The following UNC5D variants were observed in gnomAD, a reference collection of about 807,000 sequenced individuals.
UNC5D encodes unc-5 netrin receptor D.
UNC5D carries 39 observed loss-of-function variants against 105.4 expected under a neutral mutation model. The observed-to-expected ratio is 0.37, with a 90% confidence interval of 0.29 to 0.48. The LOEUF (loss-of-function observed/expected upper bound fraction) is 0.48, where lower values mean the gene tolerates loss of function less well. Ranked by LOEUF, UNC5D falls within the 20% of genes least tolerant of loss-of-function variation. The pLI is 0.98. For missense variants in UNC5D, 991 were observed against 1,202.4 expected (o/e 0.82, Z 2.60); for synonymous variants, 452 against 450.4 (o/e 1.00, Z -0.04).
intron 1 of UNC5D, among the ~76,000 whole-genome samples, chr8:35,323,280 A>AT (rs752363225): frequency 5.4e-5 from 8 of 148,746 alleles, no homozygotes; most frequent in Non-Finnish European, 1.0e-4. Context: ...AGTAATCAGG[A>AT]TTAAGCTTTT....
At chr8:35,628,611 C>T (rs548829311) in intron 4 of UNC5D, among the ~76,000 whole-genome samples, 16 of 152,114 alleles carry the variant, frequency 1.1e-4, no homozygotes, top group Non-Finnish European at 2.4e-4. Flanking sequence ...TAAAACTTTG[C>T]AACTAGTCTG....
intron 11 of UNC5D, among the ~76,000 whole-genome samples, chr8:35,748,146 C>G (rs1830093582): frequency 6.6e-6 from 1 of 152,112 alleles, no homozygotes; most frequent in South Asian, 2.1e-4. Context: ...AATGAGATGA[C>G]CAGACCAGTC....
chr8:35,659,733 G>T (rs1563640814), intron 4 of UNC5D, among the ~76,000 whole-genome samples: 1 of 152,210 alleles, frequency 6.6e-6, no homozygotes, highest in Non-Finnish European at 1.5e-5. Context: ...CATGAGAATG[G>T]CTTCTAATTG....
At chr8:35,486,971 A>G (rs953027032) in intron 1 of UNC5D, among the ~76,000 whole-genome samples, 4 of 152,164 alleles carry the variant, frequency 2.6e-5, no homozygotes, top group Non-Finnish European at 4.4e-5. Flanking sequence ...GACAGGGCTC[A>G]GGCTAGACAG....
At chr8:35,335,585 ATG>A (rs1345580818) in intron 1 of UNC5D, among the ~76,000 whole-genome samples, 3 of 152,166 alleles carry the variant, frequency 2.0e-5, no homozygotes, top group African/African-American at 7.2e-5. Flanking sequence ...TCTCAGGAAA[ATG>A]TGTTCATTTG....
At chr8:35,295,608 G>A (rs1241425869) in intron 1 of UNC5D, among the ~76,000 whole-genome samples, 1 of 152,142 alleles carries the variant, frequency 6.6e-6, no homozygotes, top group East Asian at 1.9e-4. Flanking sequence ...CATACACATT[G>A]TGAAGTGGTA....
intron 1 of UNC5D, among the ~76,000 whole-genome samples, chr8:35,384,332 T>C (rs1265309370): frequency 6.6e-6 from 1 of 152,162 alleles, no homozygotes; most frequent in African/African-American, 2.4e-5. Flanking sequence ...ACCTAGGGGC[T>C]CAATGTGTAT....
intron 1 of UNC5D, among the ~76,000 whole-genome samples, chr8:35,346,710 T>C (rs1025970088): frequency 2.0e-5 from 3 of 152,028 alleles, no homozygotes; most frequent in African/African-American, 7.2e-5. Flanking sequence ...GCCTTGAGTA[T>C]GCAATGGAAT....
At chr8:35,444,090 G>T (rs1317296313) in intron 1 of UNC5D, among the ~76,000 whole-genome samples, 2 of 151,862 alleles carry the variant, frequency 1.3e-5, no homozygotes, top group Non-Finnish European at 2.9e-5. Flanking sequence ...AAAGTATTTG[G>T]GGGAACCTTT....
intron 1 of UNC5D, among the ~76,000 whole-genome samples, chr8:35,403,352 A>G (rs569346680): frequency 5.3e-5 from 8 of 152,326 alleles, no homozygotes; most frequent in African/African-American, 1.9e-4. Context: ...TATCTAGCCT[A>G]AAGCCTACTC....
At chr8:35,745,598 A>G (rs968105228) in intron 11 of UNC5D, among the ~76,000 whole-genome samples, 1 of 152,222 alleles carries the variant, frequency 6.6e-6, no homozygotes, top group Non-Finnish European at 1.5e-5. Flanking sequence ...CAGAGTTCCT[A>G]TAGAAATAAG....
chr8:35,237,521 C>T (rs953167426), intron 1 of UNC5D, among the ~76,000 whole-genome samples: 4 of 152,106 alleles, frequency 2.6e-5, no homozygotes, highest in African/African-American at 9.7e-5. Context: ...GTGACGTTGT[C>T]TTGAAGCCAG....
intron 1 of UNC5D, among the ~76,000 whole-genome samples, chr8:35,465,429 A>ATCCTTTTCTTT: frequency 6.7e-6 from 1 of 149,978 alleles, no homozygotes; most frequent in African/African-American, 2.5e-5. Flanking sequence ...ATAAGTCTCA[A>ATCCTTTTCTTT]TCACAGTAAG....
chr8:35,451,041 C>CTTTT (rs11368288), intron 1 of UNC5D, among the ~76,000 whole-genome samples: 1 of 103,990 alleles, frequency 9.6e-6, no homozygotes, highest in Admixed American at 1.0e-4. Flanking sequence ...TAATAATAAT[C>CTTTT]TTTTTTTTTT....
At chr8:35,773,880 G>T (rs1267853215) in intron 15 of UNC5D, among the ~76,000 whole-genome samples, 2 of 152,064 alleles carry the variant, frequency 1.3e-5, no homozygotes, top group Admixed American at 1.3e-4. Context: ...CTGCCACTAT[G>T]CCCAGCTAAT....
intron 7 of UNC5D, among the ~76,000 whole-genome samples, chr8:35,703,368 C>G (rs1048379815): frequency 1.3e-5 from 2 of 152,144 alleles, no homozygotes; most frequent in African/African-American, 4.8e-5. Context: ...TCCCATTTTA[C>G]TGTGAGAATA....
At chr8:35,401,526 C>T (rs1301112654) in intron 1 of UNC5D, among the ~76,000 whole-genome samples, 6 of 152,196 alleles carry the variant, frequency 3.9e-5, no homozygotes, top group South Asian at 2.1e-4. Flanking sequence ...GACAGATGAA[C>T]GAGACAGTTC....
At chr8:35,534,727 T>G (rs1305105125) in intron 1 of UNC5D, among the ~76,000 whole-genome samples, 1 of 151,982 alleles carries the variant, frequency 6.6e-6, no homozygotes, top group Non-Finnish European at 1.5e-5. Context: ...TTTGAAATGC[T>G]CAAAGATACT....
At chr8:35,491,216 T>C (rs1234912821) in intron 1 of UNC5D, among the ~76,000 whole-genome samples, 3 of 152,182 alleles carry the variant, frequency 2.0e-5, no homozygotes, top group Admixed American at 2.0e-4. Flanking sequence ...CCAGGAGGTA[T>C]CTCTTCATGA....
Sources: gnomAD v4.1 joint callset for allele counts (sites outside exome capture counted in the v4.1 genomes callset) on GRCh38, gnomAD v4.1.1 for gene constraint, MANE v1.5 for transcripts, NCBI Gene and HGNC (gene_info 2026-07-23, HGNC 2026-07-21) for gene names.